Variants in HMGCLL1 observed in about 807,000 individuals in gnomAD.
The protein encoded by HMGCLL1 is 3-hydroxymethyl-3-methylglutaryl-CoA lyase, cytoplasmic.
A neutral mutation model predicts 39.1 loss-of-function variants in HMGCLL1; 36 were observed. That is an observed-to-expected ratio of 0.92 (90% CI 0.71 to 1.22). HMGCLL1 has a LOEUF of 1.22. HMGCLL1 is among the 50% of genes most tolerant of loss of function. The pLI is 0.00. For synonymous variants in HMGCLL1, 149 were observed against 144.0 expected (o/e 1.03, Z -0.25); for missense variants, 451 against 416.5 (o/e 1.08, Z -0.72).
chr6:55,677,762 A>G, the HMGCLL1 span, among the ~76,000 whole-genome samples: 6 of 152,248 alleles, frequency 3.9e-5, no homozygotes, highest in Non-Finnish European at 7.3e-5. Flanking sequence ...AGTGTGAAAT[A>G]AAACACAACC....
At chr6:55,661,440 C>G in the HMGCLL1 span, among the ~76,000 whole-genome samples, 1 of 151,986 alleles carries the variant, frequency 6.6e-6, no homozygotes, top group Non-Finnish European at 1.5e-5. Context: ...TATGGCTAGA[C>G]AAGTATCCCA....
At chr6:55,457,431 C>T (rs970102383) in intron 7 of HMGCLL1, among the ~76,000 whole-genome samples, 84 of 152,184 alleles carry the variant, frequency 5.5e-4, no homozygotes, top group African/African-American at 1.9e-3. Context: ...TTTTCCCTCC[C>T]CCCACATTTA....
At chr6:55,598,133 A>G in the HMGCLL1 span, among the ~76,000 whole-genome samples, 1 of 152,160 alleles carries the variant, frequency 6.6e-6, no homozygotes, top group East Asian at 1.9e-4. Flanking sequence ...CGGTCAAATA[A>G]TAATAATAGA....
At chr6:55,475,058 T>C (rs2127406306) in intron 7 of HMGCLL1, among the ~76,000 whole-genome samples, 1 of 151,672 alleles carries the variant, frequency 6.6e-6, no homozygotes. Context: ...GGGTTTTAAA[T>C]GTTGACCTTC....
the HMGCLL1 span, among the ~76,000 whole-genome samples, chr6:55,589,654 C>G: frequency 5.3e-5 from 8 of 152,196 alleles, no homozygotes; most frequent in African/African-American, 1.7e-4. Context: ...TAGAAAACCC[C>G]ATTGTCTCAG....
intron 7 of HMGCLL1, among the ~76,000 whole-genome samples, chr6:55,462,540 G>C (rs921645189): frequency 2.0e-5 from 3 of 152,060 alleles, no homozygotes; most frequent in African/African-American, 7.2e-5. Flanking sequence ...TTTTTCTAGA[G>C]ACTTAAGTTT....
chr6:55,482,071 T>A (rs965391138), intron 7 of HMGCLL1, among the ~76,000 whole-genome samples: 1 of 152,120 alleles, frequency 6.6e-6, no homozygotes, highest in Non-Finnish European at 1.5e-5. Context: ...CCCACTTATA[T>A]GAACTCACTC....
chr6:55,480,343 T>C (rs904420249), intron 7 of HMGCLL1, among the ~76,000 whole-genome samples: 3 of 151,524 alleles, frequency 2.0e-5, no homozygotes, highest in Non-Finnish European at 4.4e-5. Flanking sequence ...AAAGAAGACA[T>C]ATAAATGTCA....
At chr6:55,644,932 A>G in the HMGCLL1 span, among the ~76,000 whole-genome samples, 2 of 151,988 alleles carry the variant, frequency 1.3e-5, no homozygotes, top group Non-Finnish European at 2.9e-5. Flanking sequence ...TATATCTCTG[A>G]AGAATGTCAT....
At chr6:55,515,235 G>T (rs1360438136) in intron 4 of HMGCLL1, among the ~76,000 whole-genome samples, 1 of 145,620 alleles carries the variant, frequency 6.9e-6, no homozygotes, top group African/African-American at 2.6e-5. Flanking sequence ...CCTGGCGACA[G>T]AGCAAAGCTC....
At chr6:55,444,256 T>A (rs1409597414) in intron 7 of HMGCLL1, among the ~76,000 whole-genome samples, 1 of 152,096 alleles carries the variant, frequency 6.6e-6, no homozygotes, top group Non-Finnish European at 1.5e-5. Flanking sequence ...CTCGTCAATA[T>A]TCTTTGTCCC....
chr6:55,485,914 T>C lies in HMGCLL1; in HGVS notation c.795+9505A>G, dbSNP rs551695398. Among the ~76,000 whole-genome samples, 602 of 151,740 alleles carry C rather than the reference T, an allele frequency of 4.0e-3. 7 individuals are homozygous for C. Among genetic ancestry groups the C allele is most frequent in the African/African-American group, 0.014 (565 of 41,482 alleles). On this transcript the variant is annotated intron_variant, in intron 7 of 8. Coordinates refer to ENST00000274901, the MANE Select transcript of HMGCLL1 (RefSeq NM_001042406.2). ...TCAAAAAACCCCTAATGATCTGATA[T>C]TTTCCCTGAAAATCCATTCTAAGAT...
At chr6:55,493,904 T>C (rs1288587984) in intron 7 of HMGCLL1, among the ~76,000 whole-genome samples, 1 of 151,812 alleles carries the variant, frequency 6.6e-6, no homozygotes, top group African/African-American at 2.4e-5. Flanking sequence ...GGCTAATTTT[T>C]TTGTATTTTT....
chr6:55,539,627 C>T (rs1279281888), intron 3 of HMGCLL1, among the ~76,000 whole-genome samples: 1 of 151,538 alleles, frequency 6.6e-6, no homozygotes, highest in African/African-American at 2.4e-5. Flanking sequence ...TGCATGTTCT[C>T]ATACATAAGT....
chr6:55,656,011 T>A, the HMGCLL1 span, among the ~76,000 whole-genome samples: 49,378 of 151,772 alleles, frequency 0.33, 8,240 homozygotes, highest in East Asian at 0.41. Context: ...CTTGATTTCC[T>A]TTCCTATGCA....
At chr6:55,462,800 T>C (rs1056047569) in intron 7 of HMGCLL1, among the ~76,000 whole-genome samples, 2 of 152,174 alleles carry the variant, frequency 1.3e-5, no homozygotes, top group South Asian at 4.1e-4. Context: ...CTAGGTAGTA[T>C]ATTGCTGCTA....
At chr6:55,444,448 G>T (rs1581786873) in intron 7 of HMGCLL1, among the ~76,000 whole-genome samples, 2 of 151,972 alleles carry the variant, frequency 1.3e-5, no homozygotes, top group Admixed American at 1.3e-4. Flanking sequence ...ATGAAAATTT[G>T]AGAACCATCC....
chr6:55,525,611 G>C (rs1244841843), intron 3 of HMGCLL1, among the ~76,000 whole-genome samples: 1 of 151,882 alleles, frequency 6.6e-6, no homozygotes, highest in African/African-American at 2.4e-5. Flanking sequence ...TTTACTGAAG[G>C]GTCCAGTGTG....
chr6:55,494,629 G>A (rs138126771), intron 7 of HMGCLL1, among the ~76,000 whole-genome samples: 1 of 152,046 alleles, frequency 6.6e-6, no homozygotes, highest in Non-Finnish European at 1.5e-5. Flanking sequence ...TATACTTTAG[G>A]ACTGTGATAC....
Sources: allele counts gnomAD v4.1 joint callset (sites outside exome capture counted in the v4.1 genomes callset), GRCh38; gene constraint gnomAD v4.1.1; transcripts MANE v1.5; gene names NCBI Gene and HGNC (gene_info 2026-07-23, HGNC 2026-07-21).